WDFY3: variants seen among roughly 807,000 people sequenced by gnomAD.
The protein encoded by WDFY3 is WD repeat and FYVE domain containing 3.
WDFY3 carries 66 observed loss-of-function variants against 409.6 expected under a neutral mutation model. That is an observed-to-expected ratio of 0.16 (90% confidence interval 0.13 to 0.20). WDFY3 has a LOEUF of 0.20. Ranked by LOEUF, WDFY3 falls within the 10% of genes least tolerant of loss-of-function variation. WDFY3 has a pLI of 1.00. For synonymous variants in WDFY3, 1,521 were observed against 1,537.1 expected (o/e 0.99, Z 0.25); for missense variants, 3,031 against 4,298.1 (o/e 0.71, Z 8.24).
intron 32 of WDFY3, among the ~76,000 whole-genome samples, chr4:84,762,335 T>C (rs1242188762): frequency 6.6e-6 from 1 of 151,662 alleles, no homozygotes; most frequent in East Asian, 2.0e-4. Context: ...AAACTGGAAA[T>C]CATCATTCTC....
At chr4:84,876,137 G>A (rs1762749846) in intron 3 of WDFY3, among the ~76,000 whole-genome samples, 1 of 152,178 alleles carries the variant, frequency 6.6e-6, no homozygotes, top group South Asian at 2.1e-4. Context: ...GCATCACCAT[G>A]AACACGTGAG....
intron 30 of WDFY3, among the ~76,000 whole-genome samples, chr4:84,769,738 T>A (rs1375269169): frequency 6.6e-6 from 1 of 152,128 alleles, no homozygotes; most frequent in Non-Finnish European, 1.5e-5. Flanking sequence ...TATTATTTTT[T>A]TAATTGACAT....
Position 84,683,952 on chromosome 4 carries a change from T to A in WDFY3, c.9717A>T (p.Gly3239=). ...CTCTCAGTTCACTTACCCGAACCAC[T>A]CCATCTGAGTGTCCTGTCACTATGA... ...QNVIVTGHSD[G]VVRFWRMEFL... is the part of the protein sequence containing the mutation. The change falls in exon 63 of 68, where the codon GGA becomes GGT. Residue 3239 remains glycine (G), a synonymous_variant. Transcript: ENST00000295888. The A allele has an allele frequency of 6.3e-7, 1 of 1,593,814 alleles. No individual in the cohort carries two copies. The highest frequency in any genetic ancestry group is 8.6e-7 in the Non-Finnish European group (1 of 1,164,178).
chr4:84,960,613 G>C (rs976588366), intron 1 of WDFY3, among the ~76,000 whole-genome samples: 1 of 152,054 alleles, frequency 6.6e-6, no homozygotes, highest in Non-Finnish European at 1.5e-5. Flanking sequence ...CTTATTTACA[G>C]TCTAACATGA....
At chr4:84,805,545 T>G (rs1751374915) in intron 15 of WDFY3, among the ~76,000 whole-genome samples, 1 of 152,176 alleles carries the variant, frequency 6.6e-6, no homozygotes, top group Non-Finnish European at 1.5e-5. Flanking sequence ...ATGGTAAGCT[T>G]ATTAAATGGC....
intron 2 of WDFY3, among the ~76,000 whole-genome samples, chr4:84,910,220 G>C (rs769152180): frequency 6.6e-6 from 1 of 152,006 alleles, no homozygotes; most frequent in African/African-American, 2.4e-5. Context: ...AGGAGGATAC[G>C]CACAGGTTAT....
At chr4:84,716,853 G>T in intron 49 of WDFY3, 43 bp downstream of exon 49, 2 of 1,402,374 alleles carry the variant, frequency 1.4e-6, no homozygotes, top group Admixed American at 2.7e-5. Context: ...TACATTTTCA[G>T]AATAAAGAAA....
intron 13 of WDFY3, among the ~76,000 whole-genome samples, chr4:84,812,370 C>T (rs529267287): frequency 1.7e-4 from 26 of 152,058 alleles, no homozygotes; most frequent in Non-Finnish European, 1.5e-4. Context: ...CACACACATA[C>T]ACTCCTTATA....
intron 36 of WDFY3, among the ~76,000 whole-genome samples, chr4:84,749,119 T>C (rs897387771): frequency 2.6e-5 from 4 of 152,218 alleles, no homozygotes; most frequent in African/African-American, 9.6e-5. Flanking sequence ...CTCCTAACTT[T>C]AAGCAATCCT....
At chr4:84,939,448 CA>C in intron 1 of WDFY3, among the ~76,000 whole-genome samples, 1 of 152,254 alleles carries the variant, frequency 6.6e-6, no homozygotes, top group South Asian at 2.1e-4. Flanking sequence ...TGCTTCTCAT[CA>C]AAATTTCTCC....
At chr4:84,845,167 T>G (rs1757917187) in intron 5 of WDFY3, among the ~76,000 whole-genome samples, 1 of 152,100 alleles carries the variant, frequency 6.6e-6, no homozygotes, top group South Asian at 2.1e-4. Flanking sequence ...AAATAACAAG[T>G]CTTCCATAGC....
rs757642003 is a variant in WDFY3, at chr4:84,688,242, G to A, written c.9387C>T (p.Thr3129=). 1.9e-5 allele frequency: 31 copies of A among 1,613,866 alleles called. No homozygotes were observed. Among genetic ancestry groups the A allele is most frequent in the East Asian group, 8.9e-5 (4 of 44,870 alleles). ...LKQALLGHTD[T]VTCATASLAY... is the part of the protein sequence containing the mutation. ...CTAATGATGCTGTGGCGCAGGTGACGGTATCAGTGTGGCCCAGTAAGGCCT... is the reference window on the plus strand; with the variant it reads ...CTAATGATGCTGTGGCGCAGGTGACAGTATCAGTGTGGCCCAGTAAGGCCT... The change falls in exon 62 of 68, where the codon ACC becomes ACT. Residue 3129 remains threonine, a synonymous_variant. Transcript: ENST00000295888.
intron 66 of WDFY3, 48 bp from the exon 67 acceptor site, chr4:84,677,444 A>G (rs771556278): frequency 6.7e-7 from 1 of 1,497,956 alleles, no homozygotes. Flanking sequence ...GGCTTCTGTG[A>G]TCTCCTTCTT....
intron 67 of WDFY3, among the ~76,000 whole-genome samples, chr4:84,674,914 C>A (rs955627457): frequency 6.6e-6 from 1 of 151,530 alleles, no homozygotes; most frequent in Non-Finnish European, 1.5e-5. Flanking sequence ...ATATGTCTAG[C>A]GGCTCTGTGC....
At chr4:84,779,730 G>C (rs1185006621) in intron 26 of WDFY3, among the ~76,000 whole-genome samples, 1 of 152,006 alleles carries the variant, frequency 6.6e-6, no homozygotes, top group Admixed American at 6.5e-5. Context: ...AATCTACCAT[G>C]GATTTGGCAA....
At chr4:84,950,792 A>T (rs1052811228) in intron 1 of WDFY3, among the ~76,000 whole-genome samples, 1 of 152,234 alleles carries the variant, frequency 6.6e-6, no homozygotes, top group Admixed American at 6.5e-5. Context: ...TCCAACTCAA[A>T]AAAGAAAAAT....
At chr4:84,787,749 A>AGT in intron 22 of WDFY3, 36 bp from the exon 23 acceptor site, 1 of 1,539,524 alleles carries the variant, frequency 6.5e-7, no homozygotes, top group Non-Finnish European at 8.9e-7. Context: ...GTGAGATGTG[A>AGT]ACACTTTCCC....
intron 5 of WDFY3, 107 bp from the exon 6 acceptor site, chr4:84,841,370 A>T (rs1351810867): frequency 1.2e-6 from 1 of 857,146 alleles, no homozygotes; most frequent in Non-Finnish European, 1.8e-6. Flanking sequence ...ACATAATTAT[A>T]TCAGCACTAT....
intron 32 of WDFY3, among the ~76,000 whole-genome samples, chr4:84,760,020 T>C (rs1216358396): frequency 6.6e-6 from 1 of 152,048 alleles, no homozygotes; most frequent in Non-Finnish European, 1.5e-5. Flanking sequence ...TGAAGGGTTG[T>C]TGAATTTTGT....
Sources: allele counts gnomAD v4.1 joint callset (sites outside exome capture counted in the v4.1 genomes callset), GRCh38; gene constraint gnomAD v4.1.1; transcripts MANE v1.5; gene names NCBI Gene and HGNC (gene_info 2026-07-23, HGNC 2026-07-21).